CSMD2: variants seen among roughly 807,000 people sequenced by gnomAD.
The protein encoded by CSMD2 is CUB and sushi domain-containing protein 2.
A neutral mutation model predicts 398.5 loss-of-function variants in CSMD2; 130 were observed. The ratio of observed to expected loss-of-function variants is 0.33; its 90% CI spans 0.28 to 0.38. The LOEUF (loss-of-function observed/expected upper bound fraction) is 0.38, where lower values mean the gene tolerates loss of function less well. Ranked by LOEUF, CSMD2 falls within the 10% of genes least tolerant of loss-of-function variation. The pLI is 1.00. For missense variants in CSMD2, 3,829 were observed against 4,764.9 expected (o/e 0.80, Z 5.78); for synonymous variants, 1,828 against 1,908.5 (o/e 0.96, Z 1.10).
Position 33,698,911 on chromosome 1 carries a change from G to T in CSMD2, c.3767C>A (p.Thr1256Asn), listed in dbSNP as rs775775798. The change falls in exon 24 of 71, where the codon ACC becomes AAC. Residue 1256 changes from threonine to asparagine, a missense_variant. By Grantham distance (65) the Thr-to-Asn change is moderately conservative. Coordinates refer to ENST00000373381, the MANE Select transcript of CSMD2 (RefSeq NM_001281956.2). ...FELIKCEDPG[T>N]PKFGYKVHDE... ...ATGAACCTTGTAGCCAAACTTGGGG[G>T]TTCCTGGGTCCTCACATTTGATGAG... The T allele has an allele frequency of 6.2e-7, 1 of 1,614,062 alleles. No individual in the cohort carries two copies. The highest frequency in any genetic ancestry group is 1.1e-5 in the South Asian group (1 of 91,060).
intron 1 of CSMD2, among the ~76,000 whole-genome samples, chr1:34,151,309 G>A (rs1055757356): frequency 6.6e-6 from 1 of 152,186 alleles, no homozygotes; most frequent in African/African-American, 2.4e-5. Context: ...CCATGAGCCA[G>A]TCCCAATGCT....
In CSMD2 at chr1:33,559,462, C is replaced by T; in HGVS notation, c.8392G>A (p.Gly2798Arg). The change falls in exon 54 of 71, where the codon GGA becomes AGA. Residue 2798 changes from glycine to arginine, a missense_variant. By Grantham distance (125) the Gly-to-Arg change is moderately radical. Transcript: ENST00000373381. The surrounding 1 kb of genome is among the most constrained non-coding windows in gnomAD (Gnocchi z 4.0). ...CCGTTGACAGGGTTGCCTGGGTGTC[C>T]ACAGGTAATTGCTGTAACCAAAACA... ...KTPFCVPITC[G>R]HPGNPVNGLT... is the part of the protein sequence containing the mutation. 6.5e-7 allele frequency: 1 copy of T among 1,536,090 alleles called. No homozygotes were observed. The highest frequency in any genetic ancestry group is 8.7e-7 in the Non-Finnish European group (1 of 1,146,860).
At chr1:34,079,610 A>G (rs1244230748) in intron 2 of CSMD2, among the ~76,000 whole-genome samples, 2 of 152,214 alleles carry the variant, frequency 1.3e-5, no homozygotes, top group African/African-American at 4.8e-5. Context: ...TATCTACATT[A>G]ACTTTGGAAA....
At chr1:33,588,165 G>C (rs774933639) in intron 44 of CSMD2, among the ~76,000 whole-genome samples, 1 of 152,066 alleles carries the variant, frequency 6.6e-6, no homozygotes, top group Non-Finnish European at 1.5e-5. Context: ...ATGTTATATA[G>C]CTTGTGTTGA....
chr1:33,797,634 G>A (rs1229731281), intron 10 of CSMD2, among the ~76,000 whole-genome samples: 1 of 152,178 alleles, frequency 6.6e-6, no homozygotes, highest in Admixed American at 6.5e-5. Context: ...TTAAGCCTCT[G>A]TTTTCTCTCA....
chr1:33,855,012 C>A (rs1426495240), intron 5 of CSMD2, among the ~76,000 whole-genome samples: 4 of 152,166 alleles, frequency 2.6e-5, no homozygotes, highest in Admixed American at 2.0e-4. Flanking sequence ...GTGTTTCCTG[C>A]CTCTATAGAG....
At chr1:34,132,966 C>T (rs1431376905) in intron 1 of CSMD2, among the ~76,000 whole-genome samples, 16 of 144,414 alleles carry the variant, frequency 1.1e-4, no homozygotes, top group South Asian at 2.2e-4. Flanking sequence ...ACACACACAC[C>T]TTTTTTTTTT....
chr1:33,661,380 G>A (rs1330670088), intron 26 of CSMD2, among the ~76,000 whole-genome samples: 5 of 152,058 alleles, frequency 3.3e-5, no homozygotes, highest in Admixed American at 6.5e-5. Context: ...TTTGTTCCAC[G>A]AAATGTTAGT....
At position 33,623,363 on chromosome 1, in the gene CSMD2, A is replaced by G; in HGVS notation, c.5722+7T>C. On this transcript the variant is annotated splice_region_variant and intron_variant, in intron 36 of 70. Coordinates refer to ENST00000373381, the MANE Select transcript of CSMD2 (RefSeq NM_001281956.2). ...TCCAAATTGAAGCCCCTGGAAACCC[A>G]GCTTACCTGAGAAACTCCCCAGCAT... is the stretch of plus-strand genomic sequence containing the variant. 6.2e-7 allele frequency: 1 copy of G among 1,612,498 alleles called. No homozygotes were observed. The highest frequency in any genetic ancestry group is 8.5e-7 in the Non-Finnish European group (1 of 1,178,518).
At chr1:33,595,273 G>A (rs553641806) in intron 44 of CSMD2, among the ~76,000 whole-genome samples, 25 of 152,118 alleles carry the variant, frequency 1.6e-4, no homozygotes, top group Non-Finnish European at 2.2e-4. Flanking sequence ...TTGACAGTCC[G>A]TCCCTCAAGT....
At chr1:34,003,499 T>G (rs1646964463) in intron 3 of CSMD2, among the ~76,000 whole-genome samples, 1 of 152,182 alleles carries the variant, frequency 6.6e-6, no homozygotes, top group Non-Finnish European at 1.5e-5. Flanking sequence ...TAATGGGTAA[T>G]AATAATAGCT....
chr1:33,581,529 C>CAAAAA (rs59068586), intron 47 of CSMD2, among the ~76,000 whole-genome samples: 382 of 36,256 alleles, frequency 0.011, no homozygotes, highest in Middle Eastern at 0.022. Flanking sequence ...GACTCAGTCT[C>CAAAAA]AAAAAAAAAA....
chr1:33,954,141 C>T (rs1645090310), intron 3 of CSMD2, among the ~76,000 whole-genome samples: 1 of 152,172 alleles, frequency 6.6e-6, no homozygotes, highest in South Asian at 2.1e-4. Flanking sequence ...AGTATTATCT[C>T]CTTCAACCCC....
At chr1:33,578,925 C>T (rs1773019) in intron 48 of CSMD2, among the ~76,000 whole-genome samples, 4,853 of 152,308 alleles carry the variant, frequency 0.032, 92 homozygotes, top group African/African-American at 0.037. Flanking sequence ...CCGCTGTGTC[C>T]TATGTGTGCT....
intron 2 of CSMD2, among the ~76,000 whole-genome samples, chr1:34,054,238 T>A (rs191317161): frequency 6.6e-6 from 1 of 152,306 alleles, no homozygotes; most frequent in East Asian, 1.9e-4. Context: ...TGCCCTGTAA[T>A]TTTTAATATC....
At chr1:33,964,776 A>C (rs1645498963) in intron 3 of CSMD2, among the ~76,000 whole-genome samples, 1 of 152,112 alleles carries the variant, frequency 6.6e-6, no homozygotes, top group South Asian at 2.1e-4. Context: ...CAGCACTGGG[A>C]GTTCAGGTTT....
Position 33,636,672 on chromosome 1 carries a change from A to T in CSMD2, c.4775-118T>A. ...TTAATTAGCCACAGAGCACACGGGG[A>T]TGCGTGACTGTGGCTCCTATTCCCC... On this transcript the variant is annotated intron_variant, in intron 29 of 70. Transcript: ENST00000373381. This position sits in a 1 kb window ranked among gnomAD's most constrained non-coding sequence, Gnocchi z 4.8. The T allele has an allele frequency of 2.7e-6, 2 of 747,156 alleles. No homozygotes were observed. The highest frequency in any genetic ancestry group is 4.4e-6 in the Non-Finnish European group (2 of 450,176). 46.3% of individuals were successfully genotyped at this position (747,156 alleles called of 1,614,324 possible).
intron 12 of CSMD2, among the ~76,000 whole-genome samples, chr1:33,786,529 A>C (rs986722946): frequency 6.6e-6 from 1 of 152,206 alleles, no homozygotes; most frequent in Non-Finnish European, 1.5e-5. Context: ...CTACCTGTGT[A>C]CTGGCTCATT....
intron 3 of CSMD2, among the ~76,000 whole-genome samples, chr1:33,959,498 T>C (rs547149987): frequency 1.3e-5 from 2 of 152,298 alleles, no homozygotes; most frequent in East Asian, 1.9e-4. Flanking sequence ...TACCTCTAGG[T>C]GACCAATTTA....
Sources: allele counts gnomAD v4.1 joint callset (sites outside exome capture counted in the v4.1 genomes callset), GRCh38; gene constraint gnomAD v4.1.1; non-coding constraint Gnocchi (gnomAD v3.1); transcripts MANE v1.5; gene names NCBI Gene and HGNC (gene_info 2026-07-23, HGNC 2026-07-21).